The following ESRRG variants were observed in gnomAD, a reference collection of about 807,000 sequenced individuals.
The protein encoded by ESRRG is estrogen-related receptor gamma.
A neutral mutation model predicts 44.0 loss-of-function variants in ESRRG; 13 were observed. That is an observed-to-expected ratio of 0.30 (90% CI 0.19 to 0.47). The LOEUF (loss-of-function observed/expected upper bound fraction) is 0.47. Ranked by LOEUF, ESRRG falls within the 20% of genes least tolerant of loss-of-function variation. The probability of loss-of-function intolerance (pLI) is 1.00; values close to 1 mark genes in which losing one functional copy is unlikely to be tolerated. For missense variants in ESRRG, 395 were observed against 580.6 expected (o/e 0.68, Z 3.29); for synonymous variants, 215 against 214.6 (o/e 1.00, Z -0.02).
intron 2 of ESRRG, among the ~76,000 whole-genome samples, chr1:216,808,766 G>T (rs1014255766): frequency 6.6e-6 from 1 of 152,096 alleles, no homozygotes; most frequent in African/African-American, 2.4e-5. Flanking sequence ...CATCAGGTTT[G>T]ATCATAAACA....
rs1225107128 is a variant in ESRRG, at chr1:216,802,488, A to G, written c.-13-124997T>C. 2.6e-5 allele frequency among the ~76,000 whole-genome samples: 4 copies of G among 152,208 alleles called. No individual in the cohort carries two copies. The East Asian group carries it at 7.7e-4, about 29-fold the overall frequency. ...AATGCATGAACAAAATCAAATAACTATATTCAGGACCAGCTACATAATTTG... is the reference window on the plus strand; with the variant it reads ...AATGCATGAACAAAATCAAATAACTGTATTCAGGACCAGCTACATAATTTG... On this transcript the variant is annotated intron_variant, in intron 2 of 7. Coordinates refer to the ESRRG transcript ENST00000359162.
intron 2 of ESRRG, among the ~76,000 whole-genome samples, chr1:216,797,064 G>A (rs370247131): frequency 6.6e-6 from 1 of 151,788 alleles, no homozygotes. Flanking sequence ...GCTAATTTTT[G>A]TATTTTTAGT....
intron 1 of ESRRG, among the ~76,000 whole-genome samples, chr1:216,991,050 G>T (rs934227487): frequency 6.6e-6 from 1 of 152,024 alleles, no homozygotes; most frequent in Admixed American, 6.6e-5. Flanking sequence ...CCTCCTGTCA[G>T]ATCAGCAGTG....
At chr1:216,567,466 C>T (rs2059888325) in intron 4 of ESRRG, among the ~76,000 whole-genome samples, 1 of 152,026 alleles carries the variant, frequency 6.6e-6, no homozygotes, top group Non-Finnish European at 1.5e-5. Context: ...TTAGTAGTGC[C>T]CATTCTTGTT....
At chr1:216,705,777 C>T (rs2082328201) in intron 1 of ESRRG, among the ~76,000 whole-genome samples, 1 of 152,176 alleles carries the variant, frequency 6.6e-6, no homozygotes, top group South Asian at 2.1e-4. Flanking sequence ...ATTCACACTG[C>T]CTGCTTTTCA....
chr1:216,893,947 T>A (rs2058115318), intron 2 of ESRRG, among the ~76,000 whole-genome samples: 1 of 152,206 alleles, frequency 6.6e-6, no homozygotes, highest in South Asian at 2.1e-4. Flanking sequence ...TTTGATTCAG[T>A]TAAAAGAGAT....
chr1:216,651,293 G>A (rs1404216084), intron 2 of ESRRG, among the ~76,000 whole-genome samples: 4 of 152,214 alleles, frequency 2.6e-5, no homozygotes, highest in African/African-American at 4.8e-5. Flanking sequence ...GAACAAACAT[G>A]GTGAAATGCT....
chr1:216,919,361 A>G (rs1331619738), intron 2 of ESRRG, among the ~76,000 whole-genome samples: 1 of 152,198 alleles, frequency 6.6e-6, no homozygotes, highest in Non-Finnish European at 1.5e-5. Flanking sequence ...CAAAATGTTA[A>G]TCATTTTAGG....
intron 1 of ESRRG, among the ~76,000 whole-genome samples, chr1:217,015,632 A>G (rs576897823): frequency 6.6e-6 from 1 of 152,086 alleles, no homozygotes; most frequent in Non-Finnish European, 1.5e-5. Flanking sequence ...TACAAGATGC[A>G]AGAGAGTTGT....
chr1:216,882,753 T>A (rs12123417), intron 2 of ESRRG, among the ~76,000 whole-genome samples: 175 of 152,306 alleles, frequency 1.1e-3, no homozygotes, highest in Non-Finnish European at 1.6e-3. Context: ...ATAGAGTTTT[T>A]AAAGTAGCAT....
At chr1:217,068,260 T>C (rs2090054664) in intron 1 of ESRRG, among the ~76,000 whole-genome samples, 1 of 152,142 alleles carries the variant, frequency 6.6e-6, no homozygotes, top group Non-Finnish European at 1.5e-5. Context: ...CTGTCTCCTT[T>C]CTTTAATTCT....
At chr1:216,662,205 T>C (rs2072643883) in intron 2 of ESRRG, among the ~76,000 whole-genome samples, 1 of 152,118 alleles carries the variant, frequency 6.6e-6, no homozygotes, top group South Asian at 2.1e-4. Context: ...AGTGCCCAGG[T>C]AATGGTTCTC....
Position 216,988,004 on chromosome 1 carries a change from G to A in ESRRG, c.-105-48331C>T, listed in dbSNP as rs372949144. On this transcript the variant is annotated intron_variant, in intron 1 of 7. Transcript: ENST00000359162. ...AACTTAATAACAAAACCTTTTATTG[G>A]CTGCCTTTCCTTCTCTGTCTTATTT... Among the ~76,000 whole-genome samples the A allele has an allele frequency of 3.6e-4, 55 of 152,160 alleles. 1 individual carries two copies. In the South Asian group the frequency reaches 0.011, roughly 30 times the overall value.
At chr1:216,660,379 T>C (rs1282830227) in intron 2 of ESRRG, among the ~76,000 whole-genome samples, 1 of 152,188 alleles carries the variant, frequency 6.6e-6, no homozygotes, top group Admixed American at 6.5e-5. Flanking sequence ...TTTGATGTGC[T>C]TTACATTATG....
chr1:216,602,799 G>T (rs1315328507), intron 3 of ESRRG, among the ~76,000 whole-genome samples: 2 of 152,118 alleles, frequency 1.3e-5, no homozygotes, highest in East Asian at 3.8e-4. Flanking sequence ...CAAGCTCAAT[G>T]TTCAGAAAAT....
At chr1:217,026,912 C>CACACACACAGAGAGAGAGAGAGAGAGAG (rs1255637839) in intron 1 of ESRRG, among the ~76,000 whole-genome samples, 5 of 93,468 alleles carry the variant, frequency 5.3e-5, no homozygotes, top group Non-Finnish European at 8.6e-5. Context: ...CACACACACA[C>CACACACACAGAGAGAGAGAGAGAGAGAG]AGAGAGAGAG....
At chr1:216,801,792 T>G (rs2148313462) in intron 2 of ESRRG, among the ~76,000 whole-genome samples, 1 of 152,246 alleles carries the variant, frequency 6.6e-6, no homozygotes, top group South Asian at 2.1e-4. Flanking sequence ...AATTGGATGG[T>G]TTTCCTGCTA....
At chr1:216,625,179 TCTA>T (rs2062960248) in intron 3 of ESRRG, among the ~76,000 whole-genome samples, 1 of 152,140 alleles carries the variant, frequency 6.6e-6, no homozygotes, top group African/African-American at 2.4e-5. Flanking sequence ...TTCTACTATT[TCTA>T]CAGGATTAGT....
At chr1:217,101,595 T>C (rs1051292122) in intron 1 of ESRRG, among the ~76,000 whole-genome samples, 2 of 152,144 alleles carry the variant, frequency 1.3e-5, no homozygotes, top group Non-Finnish European at 2.9e-5. Context: ...CAAAGTATCA[T>C]CATCTGTAGG....
Sources: allele counts gnomAD v4.1 joint callset (sites outside exome capture counted in the v4.1 genomes callset), GRCh38; gene constraint gnomAD v4.1.1; transcripts MANE v1.5; gene names NCBI Gene and HGNC (gene_info 2026-07-23, HGNC 2026-07-21).